Variants in HS3ST2 observed in about 807,000 individuals in gnomAD.
HS3ST2 encodes heparan sulfate-glucosamine 3-sulfotransferase 2.
A neutral mutation model predicts 26.3 loss-of-function variants in HS3ST2; 17 were observed. That is an observed-to-expected ratio of 0.65 (90% confidence interval 0.44 to 0.97). The LOEUF (loss-of-function observed/expected upper bound fraction) is 0.97. Ranked by LOEUF, HS3ST2 falls within the 50% of genes least tolerant of loss-of-function variation. The pLI is 0.00. For synonymous variants in HS3ST2, 237 were observed against 219.2 expected (o/e 1.08, Z -0.72); for missense variants, 402 against 501.2 (o/e 0.80, Z 1.89).
At position 22,905,636 on chromosome 16, in the gene HS3ST2, C is replaced by A. The variant is rs141304376; in HGVS notation, c.486-9308C>A. Among the ~76,000 whole-genome samples the A allele has an allele frequency of 9.2e-4, 140 of 152,192 alleles. 1 individual carries two copies. The East Asian group carries it at 0.022, about 24-fold the overall frequency. ...GTATTTTCTGAACGCTTACTAAGTA[C>A]CAGCCTTTGTCCAGGTGTAGAGAAT... is the stretch of plus-strand genomic sequence containing the variant. On this transcript the variant is annotated intron_variant, in intron 1 of 1. Transcript: ENST00000261374.
chr16:22,874,045 AC>A (rs1395822964), intron 1 of HS3ST2, among the ~76,000 whole-genome samples: 2 of 152,182 alleles, frequency 1.3e-5, no homozygotes, highest in African/African-American at 4.8e-5. Context: ...CATGTTTGCG[AC>A]TATCCTGTTG....
intron 1 of HS3ST2, among the ~76,000 whole-genome samples, chr16:22,880,956 G>T (rs1901982445): frequency 6.6e-6 from 1 of 152,234 alleles, no homozygotes; most frequent in African/African-American, 2.4e-5. Context: ...AACGCTGTTA[G>T]ATCTGGATGG....
At chr16:22,816,453 A>G (rs938383532) in intron 1 of HS3ST2, among the ~76,000 whole-genome samples, 5 of 152,090 alleles carry the variant, frequency 3.3e-5, no homozygotes, top group Admixed American at 2.6e-4. Context: ...TTTGCAGGTT[A>G]CTCCTGGCTC....
In HS3ST2 at chr16:22,814,504, G is replaced by T; in HGVS notation, c.-107G>T. ...GGCGCCCCCAACGCCCGACCCGCGTGGCCGTGGCAGCGCCACGCGAGCCCT... is the reference window on the plus strand; with the variant it reads ...GGCGCCCCCAACGCCCGACCCGCGTTGCCGTGGCAGCGCCACGCGAGCCCT... On this transcript the variant is annotated 5_prime_UTR_variant, in exon 1 of 2. Transcript: ENST00000261374. 1 of 1,297,856 alleles carries T rather than the reference G, an allele frequency of 7.7e-7. No homozygotes were observed. Among genetic ancestry groups the T allele is most frequent in the Non-Finnish European group, 1.0e-6 (1 of 997,860 alleles). The allele number at this position is 1,297,856 out of a possible 1,614,324, so 80.4% of individuals were successfully genotyped here.
chr16:22,827,032 G>T (rs918553645), intron 1 of HS3ST2, among the ~76,000 whole-genome samples: 7 of 152,172 alleles, frequency 4.6e-5, no homozygotes, highest in African/African-American at 1.7e-4. Context: ...GGAGGGTGTT[G>T]CAGTTTTAAG....
At chr16:22,822,407 A>G (rs909172742) in intron 1 of HS3ST2, among the ~76,000 whole-genome samples, 1 of 152,058 alleles carries the variant, frequency 6.6e-6, no homozygotes, top group Non-Finnish European at 1.5e-5. Context: ...GGCTCAAGCA[A>G]TCCTTCTGCC....
chr16:22,891,140 G>T (rs1199551546), intron 1 of HS3ST2, among the ~76,000 whole-genome samples: 4 of 152,186 alleles, frequency 2.6e-5, no homozygotes, highest in African/African-American at 9.7e-5. Context: ...TGCCTATCTT[G>T]ATTGAACATT....
chr16:22,830,203 A>G (rs1041382793), intron 1 of HS3ST2, among the ~76,000 whole-genome samples: 25 of 151,592 alleles, frequency 1.6e-4, no homozygotes, highest in African/African-American at 6.0e-4. Flanking sequence ...TCCAGCTCCC[A>G]ATGACGTATT....
chr16:22,882,892 G>A (rs938082815), intron 1 of HS3ST2, among the ~76,000 whole-genome samples: 11 of 151,740 alleles, frequency 7.2e-5, no homozygotes, highest in South Asian at 2.1e-4. Flanking sequence ...TTAGCCAGGC[G>A]TGGTGGTGCA....
intron 1 of HS3ST2, among the ~76,000 whole-genome samples, chr16:22,851,250 A>AG (rs1025228457): frequency 2.1e-4 from 32 of 152,368 alleles, no homozygotes; most frequent in African/African-American, 7.2e-4. Flanking sequence ...TGTACAGGGA[A>AG]GGGAGGAACT....
At chr16:22,911,073 G>C (rs1902419654) in intron 1 of HS3ST2, among the ~76,000 whole-genome samples, 1 of 152,148 alleles carries the variant, frequency 6.6e-6, no homozygotes, top group South Asian at 2.1e-4. Flanking sequence ...GAAAGGGCCT[G>C]AAAAGACAAA....
intron 1 of HS3ST2, among the ~76,000 whole-genome samples, chr16:22,876,709 G>T (rs1021520731): frequency 2.6e-5 from 4 of 152,120 alleles, no homozygotes; most frequent in African/African-American, 9.7e-5. Flanking sequence ...ATTTGCAATT[G>T]AAAAAATATG....
intron 1 of HS3ST2, among the ~76,000 whole-genome samples, chr16:22,838,235 A>C (rs1375613044): frequency 6.6e-6 from 1 of 152,114 alleles, no homozygotes; most frequent in Non-Finnish European, 1.5e-5. Context: ...TAGACAAAGA[A>C]TCTAGCTCCT....
intron 1 of HS3ST2, among the ~76,000 whole-genome samples, chr16:22,836,872 A>G (rs209454): frequency 0.27 from 40,476 of 151,822 alleles, 6,710 homozygotes; most frequent in African/African-American, 0.47. Flanking sequence ...TGGCCAGGCT[A>G]GTCTCAAACT....
intron 1 of HS3ST2, among the ~76,000 whole-genome samples, chr16:22,864,171 C>T (rs996596509): frequency 1.3e-5 from 2 of 152,170 alleles, no homozygotes; most frequent in Non-Finnish European, 2.9e-5. Flanking sequence ...GTTGAGGCTG[C>T]ACCCATATGC....
intron 1 of HS3ST2, among the ~76,000 whole-genome samples, chr16:22,852,858 G>A (rs1184317155): frequency 6.6e-6 from 1 of 152,112 alleles, no homozygotes; most frequent in Non-Finnish European, 1.5e-5. Flanking sequence ...GTTCCTTTTG[G>A]TCCTTCATAA....
intron 1 of HS3ST2, among the ~76,000 whole-genome samples, chr16:22,852,905 TG>T (rs1901537435): frequency 6.6e-6 from 1 of 152,036 alleles, no homozygotes; most frequent in Admixed American, 6.5e-5. Context: ...TACGTAGTCT[TG>T]GTTTCCAAAC....
intron 1 of HS3ST2, among the ~76,000 whole-genome samples, chr16:22,883,134 A>G (rs1361065236): frequency 1.3e-5 from 2 of 152,196 alleles, no homozygotes; most frequent in Admixed American, 1.3e-4. Context: ...GCAGAATATT[A>G]TAAAGTGCCA....
intron 1 of HS3ST2, among the ~76,000 whole-genome samples, chr16:22,844,008 T>TACACAC (rs71876208): frequency 3.4e-5 from 5 of 148,420 alleles, no homozygotes; most frequent in African/African-American, 4.9e-5. Flanking sequence ...GATGAAAACC[T>TACACAC]ACACACACAC....
Sources: gnomAD v4.1 joint callset for allele counts (sites outside exome capture counted in the v4.1 genomes callset) on GRCh38, gnomAD v4.1.1 for gene constraint, MANE v1.5 for transcripts, NCBI Gene and HGNC (gene_info 2026-07-23, HGNC 2026-07-21) for gene names.